Variants in DOK5 observed in about 807,000 individuals in gnomAD.
The protein encoded by DOK5 is downstream of tyrosine kinase 5.
In DOK5, 27 loss-of-function variants were observed where a neutral mutation model predicts 43.3. That is an observed-to-expected ratio of 0.62 (90% CI 0.46 to 0.86). The LOEUF is 0.86. DOK5 is among the 40% of genes least tolerant of loss of function. The probability of loss-of-function intolerance (pLI) is 0.00; values close to 1 mark genes in which losing one functional copy is unlikely to be tolerated. For synonymous variants in DOK5, 146 were observed against 140.1 expected (o/e 1.04, Z -0.30); for missense variants, 373 against 392.9 (o/e 0.95, Z 0.43).
intron 1 of DOK5, among the ~76,000 whole-genome samples, chr20:54,510,346 C>A (rs1982973419): frequency 6.6e-6 from 1 of 152,050 alleles, no homozygotes; most frequent in Non-Finnish European, 1.5e-5. Context: ...AATAGCATAA[C>A]ATTTTAAAAA....
At chr20:54,629,715 A>G (rs1164943820) in intron 6 of DOK5, among the ~76,000 whole-genome samples, 8 of 152,234 alleles carry the variant, frequency 5.3e-5, no homozygotes, top group Admixed American at 5.2e-4. Context: ...ATAAATATAT[A>G]TCAAGAACTG....
chr20:54,594,853 T>C (rs761487926), intron 5 of DOK5, among the ~76,000 whole-genome samples: 91 of 152,192 alleles, frequency 6.0e-4, no homozygotes, highest in Non-Finnish European at 1.2e-3. Context: ...GTACATATCC[T>C]GCAAACGTTT....
At chr20:54,542,450 CT>C (rs1984196550) in intron 1 of DOK5, among the ~76,000 whole-genome samples, 2 of 152,130 alleles carry the variant, frequency 1.3e-5, no homozygotes, top group Non-Finnish European at 2.9e-5. Context: ...TGCAGTGCTT[CT>C]GCTTTGGAGA....
At chr20:54,618,436 C>T (rs766038182) in intron 6 of DOK5, among the ~76,000 whole-genome samples, 2 of 151,934 alleles carry the variant, frequency 1.3e-5, no homozygotes, top group African/African-American at 2.4e-5. Flanking sequence ...CTCTGCCTCC[C>T]GGGTTCAAGC....
chr20:54,642,562 A>AAAAAAAAAG (rs1979174810), intron 6 of DOK5, among the ~76,000 whole-genome samples: 1 of 149,272 alleles, frequency 6.7e-6, no homozygotes, highest in African/African-American at 2.5e-5. Flanking sequence ...AAAAAAAAAA[A>AAAAAAAAAG]AAAAAAGAAA....
intron 1 of DOK5, among the ~76,000 whole-genome samples, chr20:54,487,966 T>C (rs965481646): frequency 1.3e-5 from 2 of 152,258 alleles, no homozygotes; most frequent in Non-Finnish European, 2.9e-5. Context: ...AGAATTCATT[T>C]TATTATCTTA....
intron 1 of DOK5, among the ~76,000 whole-genome samples, chr20:54,479,293 C>T (rs1981568408): frequency 6.6e-6 from 1 of 152,132 alleles, no homozygotes; most frequent in South Asian, 2.1e-4. Flanking sequence ...CTGTATTCCC[C>T]AGCTTAATCC....
intron 1 of DOK5, among the ~76,000 whole-genome samples, chr20:54,479,400 C>G (rs950731347): frequency 6.6e-6 from 1 of 152,094 alleles, no homozygotes. Flanking sequence ...AGGAGGGGAG[C>G]AGCTGTCCAT....
At chr20:54,578,901 A>G (rs1985541931) in intron 2 of DOK5, among the ~76,000 whole-genome samples, 1 of 152,228 alleles carries the variant, frequency 6.6e-6, no homozygotes, top group Non-Finnish European at 1.5e-5. Flanking sequence ...TTAAGATATC[A>G]AATGGGAATC....
At chr20:54,572,235 AC>A (rs1277773547) in intron 2 of DOK5, among the ~76,000 whole-genome samples, 2 of 150,352 alleles carry the variant, frequency 1.3e-5, no homozygotes, top group Non-Finnish European at 2.9e-5. Flanking sequence ...ATCTTGGCTC[AC>A]TGCAAGCTCT....
At chr20:54,489,214 T>C (rs1217781151) in intron 1 of DOK5, among the ~76,000 whole-genome samples, 1 of 152,192 alleles carries the variant, frequency 6.6e-6, no homozygotes, top group Non-Finnish European at 1.5e-5. Context: ...AAAATTAAAT[T>C]TTATTTGAAT....
chr20:54,477,764 A>G (rs539386871), intron 1 of DOK5, among the ~76,000 whole-genome samples: 3 of 152,340 alleles, frequency 2.0e-5, no homozygotes, highest in African/African-American at 7.2e-5. Context: ...GAGGACATGC[A>G]TTATTAATGC....
At chr20:54,476,955 C>T (rs1600645190) in intron 1 of DOK5, among the ~76,000 whole-genome samples, 1 of 151,728 alleles carries the variant, frequency 6.6e-6, no homozygotes. Flanking sequence ...CAAACTAGGT[C>T]CCTCATTTCT....
chr20:54,595,244 G>A (rs910359557), intron 5 of DOK5, among the ~76,000 whole-genome samples: 11 of 152,164 alleles, frequency 7.2e-5, no homozygotes, highest in Non-Finnish European at 1.2e-4. Context: ...GGGAGGCTGA[G>A]GCAGGAGAAT....
intron 7 of DOK5, among the ~76,000 whole-genome samples, chr20:54,645,159 A>G (rs1979347357): frequency 6.6e-6 from 1 of 151,966 alleles, no homozygotes; most frequent in Non-Finnish European, 1.5e-5. Context: ...GCACTGGACT[A>G]CACGTAGTTT....
chr20:54,617,664 C>T (rs1414734730), intron 6 of DOK5, among the ~76,000 whole-genome samples: 1 of 152,158 alleles, frequency 6.6e-6, no homozygotes, highest in Non-Finnish European at 1.5e-5. Flanking sequence ...CCTGTGCATA[C>T]AAAGGAAGGG....
rs1985894088 is a variant in DOK5 at position 54,588,817 on chromosome 20, A to G, written c.409+11A>G. The G allele has an allele frequency of 1.9e-6, 3 of 1,613,006 alleles. No homozygotes were observed. Among genetic ancestry groups the G allele is most frequent in the Non-Finnish European group, 1.7e-6 (2 of 1,179,422 alleles). On this transcript the variant is annotated intron_variant, in intron 4 of 7. Coordinates refer to ENST00000262593, the MANE Select transcript of DOK5 (RefSeq NM_018431.5). Reference sequence around the variant, plus strand: ...AGAGAGAACAGAGTGGTATGTAAAGAAAATTCTCTCCTCTCTCTTTCAAAA... The same window carrying G: ...AGAGAGAACAGAGTGGTATGTAAAGGAAATTCTCTCCTCTCTCTTTCAAAA...
chr20:54,481,419 C>A (rs912479798), intron 1 of DOK5, among the ~76,000 whole-genome samples: 1 of 152,162 alleles, frequency 6.6e-6, no homozygotes, highest in African/African-American at 2.4e-5. Context: ...CCACAAGCCT[C>A]GGCCTCCTAA....
At position 54,475,795 on chromosome 20, in the gene DOK5, C is replaced by G; in HGVS notation, c.-152C>G. On this transcript the variant is annotated 5_prime_UTR_variant, in exon 1 of 8. Coordinates refer to ENST00000262593, the MANE Select transcript of DOK5 (RefSeq NM_018431.5). This position sits in a 1 kb window ranked among gnomAD's most constrained non-coding sequence, Gnocchi z 4.2. ...TTGGGGGGACAGAGAAAGTGATGTGCGCCTTCTAAAGCCTCGCCCAGCGCC... is the reference window on the plus strand; with the variant it reads ...TTGGGGGGACAGAGAAAGTGATGTGGGCCTTCTAAAGCCTCGCCCAGCGCC... 2 of 867,846 alleles carry G rather than the reference C, an allele frequency of 2.3e-6. No individual in the cohort carries two copies. The highest frequency in any genetic ancestry group is 3.6e-6 in the Non-Finnish European group (2 of 557,568). 53.8% of individuals were successfully genotyped at this position (867,846 alleles called of 1,614,324 possible). A position where few individuals can be genotyped will look rare whatever the true frequency, so the allele number is the denominator to read the frequency against.
Sources: allele counts gnomAD v4.1 joint callset (sites outside exome capture counted in the v4.1 genomes callset), GRCh38; gene constraint gnomAD v4.1.1; non-coding constraint Gnocchi (gnomAD v3.1); transcripts MANE v1.5; gene names NCBI Gene and HGNC (gene_info 2026-07-23, HGNC 2026-07-21).